Variants in RAPGEF5 observed in about 807,000 individuals in gnomAD.
The protein encoded by RAPGEF5 is Rap guanine nucleotide exchange factor 5, also known as M-Ras-regulated GEF.
A neutral mutation model predicts 125.2 loss-of-function variants in RAPGEF5; 65 were observed. That is an observed-to-expected ratio of 0.52 (90% confidence interval 0.43 to 0.64). The LOEUF (loss-of-function observed/expected upper bound fraction) is 0.64, where lower values mean the gene tolerates loss of function less well. Ranked by LOEUF, RAPGEF5 falls within the 30% of genes least tolerant of loss-of-function variation. The pLI is 0.00. For missense variants in RAPGEF5, 958 were observed against 1,048.1 expected (o/e 0.91, Z 1.19); for synonymous variants, 391 against 385.9 (o/e 1.01, Z -0.16).
intron 1 of RAPGEF5, among the ~76,000 whole-genome samples, chr7:22,333,522 A>C (rs1783962381): frequency 6.6e-6 from 1 of 152,228 alleles, no homozygotes; most frequent in African/African-American, 2.4e-5. Flanking sequence ...GAATGAAAAG[A>C]GTATTTATTA....
chr7:22,139,789 C>A, intron 21 of RAPGEF5: 1 of 418,314 alleles, frequency 2.4e-6, no homozygotes, highest in South Asian at 2.9e-5. Context: ...ACGAGCACTG[C>A]ACTATCAGGC....
At chr7:22,190,605 T>C (rs1296666132) in intron 11 of RAPGEF5, among the ~76,000 whole-genome samples, 1 of 152,236 alleles carries the variant, frequency 6.6e-6, no homozygotes, top group African/African-American at 2.4e-5. Context: ...CCGGCTATAT[T>C]CAATGGAGTA....
chr7:22,219,744 G>A, intron 9 of RAPGEF5, 122 bp downstream of exon 9: 2 of 1,336,418 alleles, frequency 1.5e-6, no homozygotes, highest in South Asian at 1.8e-5. Context: ...TGCTCTTGGG[G>A]GGAAAAAAAC....
At chr7:22,140,204 G>A (rs1212044853) in intron 20 of RAPGEF5, 89 bp from the exon 21 acceptor site, 3 of 1,198,242 alleles carry the variant, frequency 2.5e-6, no homozygotes, top group Non-Finnish European at 3.6e-6. Context: ...GACCCTCCTA[G>A]GCCACAGAGC....
At chr7:22,333,062 A>C (rs1470440160) in intron 1 of RAPGEF5, among the ~76,000 whole-genome samples, 3 of 152,222 alleles carry the variant, frequency 2.0e-5, no homozygotes, top group Non-Finnish European at 4.4e-5. Flanking sequence ...AGTGAGATCA[A>C]CTCTGAGCTC....
intron 23 of RAPGEF5, among the ~76,000 whole-genome samples, chr7:22,134,886 C>T (rs1583394419): frequency 1.3e-5 from 2 of 152,282 alleles, no homozygotes; most frequent in Middle Eastern, 3.4e-3. Context: ...AGAATATTTT[C>T]GGCTTGGATG....
At chr7:22,271,285 G>C (rs556155655) in intron 6 of RAPGEF5, among the ~76,000 whole-genome samples, 2 of 152,270 alleles carry the variant, frequency 1.3e-5, no homozygotes, top group South Asian at 4.2e-4. Flanking sequence ...TGATTCTATT[G>C]CATCCAGGGT....
intron 19 of RAPGEF5, among the ~76,000 whole-genome samples, chr7:22,145,968 G>A (rs564002646): frequency 1.0e-4 from 9 of 88,636 alleles, no homozygotes; most frequent in Non-Finnish European, 1.4e-4. Context: ...GTTTGTGTGC[G>A]TGTGTGTGTG....
At chr7:22,287,574 C>T (rs1019033975) in intron 6 of RAPGEF5, among the ~76,000 whole-genome samples, 1 of 152,136 alleles carries the variant, frequency 6.6e-6, no homozygotes, top group Admixed American at 6.6e-5. Flanking sequence ...TCCAATACCC[C>T]CAAAAACACA....
intron 24 of RAPGEF5, 34 bp downstream of exon 24, chr7:22,131,003 T>C (rs1315226332): frequency 6.5e-7 from 1 of 1,536,618 alleles, no homozygotes; most frequent in Non-Finnish European, 8.8e-7. Context: ...TTTCTGTTAC[T>C]GTAAAAAAGG....
chr7:22,230,252 T>C (rs1278999300), intron 8 of RAPGEF5, among the ~76,000 whole-genome samples: 2 of 152,182 alleles, frequency 1.3e-5, no homozygotes, highest in Non-Finnish European at 2.9e-5. Flanking sequence ...CAATGTGACT[T>C]TATTAAAACA....
chr7:22,184,301 T>C (rs1459788013), intron 11 of RAPGEF5, among the ~76,000 whole-genome samples: 8 of 152,220 alleles, frequency 5.3e-5, no homozygotes, highest in African/African-American at 9.6e-5. Flanking sequence ...ATGAAAGTAT[T>C]CATCTCTCCA....
At chr7:22,326,858 C>G (rs1783824022) in intron 1 of RAPGEF5, among the ~76,000 whole-genome samples, 1 of 152,138 alleles carries the variant, frequency 6.6e-6, no homozygotes, top group Non-Finnish European at 1.5e-5. Context: ...GAGAGTAGAT[C>G]TTACGTTAAG....
At chr7:22,241,115 T>C (rs771275568) in intron 7 of RAPGEF5, among the ~76,000 whole-genome samples, 2 of 152,346 alleles carry the variant, frequency 1.3e-5, no homozygotes, top group African/African-American at 2.4e-5. Flanking sequence ...GCCATGGGGA[T>C]TGTAAACCAG....
chr7:22,255,406 T>C (rs1004670269), intron 7 of RAPGEF5, among the ~76,000 whole-genome samples: 1 of 151,782 alleles, frequency 6.6e-6, no homozygotes, highest in African/African-American at 2.4e-5. Flanking sequence ...CTGGGCAACA[T>C]AGCAAGACCC....
intron 9 of RAPGEF5, 82 bp from the exon 10 acceptor site, chr7:22,194,115 C>T: frequency 8.3e-7 from 1 of 1,206,164 alleles, no homozygotes; most frequent in Non-Finnish European, 1.2e-6. Flanking sequence ...GGAGCTAACT[C>T]AAGCTGTATT....
intron 7 of RAPGEF5, among the ~76,000 whole-genome samples, chr7:22,242,200 C>G (rs1786349105): frequency 6.6e-6 from 1 of 152,192 alleles, no homozygotes; most frequent in African/African-American, 2.4e-5. Flanking sequence ...GCACACAGAT[C>G]AGTCTTGGCA....
At chr7:22,245,469 AT>A (rs1317659454) in intron 7 of RAPGEF5, among the ~76,000 whole-genome samples, 4 of 151,850 alleles carry the variant, frequency 2.6e-5, no homozygotes, top group African/African-American at 9.7e-5. Context: ...TCTTTAATCT[AT>A]TTTTCATTTG....
chr7:22,187,315 T>G (rs562710555), intron 11 of RAPGEF5, among the ~76,000 whole-genome samples: 4 of 152,214 alleles, frequency 2.6e-5, no homozygotes, highest in African/African-American at 4.8e-5. Flanking sequence ...ACTTTAGAGA[T>G]CATTTCATTT....
Sources: allele counts gnomAD v4.1 joint callset (sites outside exome capture counted in the v4.1 genomes callset), GRCh38; gene constraint gnomAD v4.1.1; transcripts MANE v1.5; gene names NCBI Gene and HGNC (gene_info 2026-07-23, HGNC 2026-07-21).